Variants in PCNA observed in about 807,000 individuals in gnomAD.
PCNA encodes the protein proliferating cell nuclear antigen.
A neutral mutation model predicts 27.8 loss-of-function variants in PCNA; 4 were observed. That is an observed-to-expected ratio of 0.14 (90% CI 0.07 to 0.33). The LOEUF is 0.33. Among genes scored for constraint, PCNA ranks in the 10% least tolerant of loss-of-function variants. The pLI, the probability that PCNA is intolerant of heterozygous loss-of-function variation, is 1.00. For missense variants in PCNA, 165 were observed against 327.4 expected (o/e 0.50, Z 3.83); for synonymous variants, 121 against 119.4 (o/e 1.01, Z -0.09).
chr20:5,123,254 G>A (rs2090527393), upstream of PCNA, among the ~76,000 whole-genome samples: 1 of 152,176 alleles, frequency 6.6e-6, no homozygotes, highest in Non-Finnish European at 1.5e-5. Flanking sequence ...AGGGAATGTG[G>A]TCAACAGCAG....
intron 4 of PCNA, 23 bp downstream of exon 4, chr20:5,117,446 TC>T (rs2090483098): frequency 1.3e-6 from 2 of 1,531,192 alleles, no homozygotes; most frequent in Admixed American, 1.8e-5. Context: ...CAAACTATTT[TC>T]TTTTTACTTA....
At chr20:5,123,512 T>C (rs566654384), upstream of PCNA, among the ~76,000 whole-genome samples, 1 of 152,144 alleles carries the variant, frequency 6.6e-6, no homozygotes, top group African/African-American at 2.4e-5. Context: ...CAGGCCAACA[T>C]GGTGAAACCC....
chr20:5,123,748 G>C (rs1330176954), upstream of PCNA, among the ~76,000 whole-genome samples: 1 of 148,478 alleles, frequency 6.7e-6, no homozygotes, highest in Admixed American at 6.7e-5. Context: ...TCTAGATAAA[G>C]AATTCAAATT....
chr20:5,115,283 C>T lies in PCNA; in HGVS notation c.786G>A (p.Ter262=), dbSNP rs762445782. The stretch of plus-strand genomic sequence containing the variant: ...TTATTTTCTTGAATTTTAAGAATGC[C>T]TAAGATCCTTCTTCATCCTCGATCT... ...APKIEDEEGS[*] is the part of the protein sequence containing the mutation. Residue 262 remains the stop codon, a stop_retained_variant, in exon 6 of 6, where the codon TAG becomes TAA. Coordinates refer to ENST00000379143, the MANE Select transcript of PCNA (RefSeq NM_182649.2). 18 of 1,610,688 alleles carry T rather than the reference C, an allele frequency of 1.1e-5. No individual in the cohort carries two copies. The highest frequency in any genetic ancestry group is 1.5e-5 in the Non-Finnish European group (18 of 1,177,158).
chr20:5,119,842 A>G lies in PCNA; in HGVS notation c.-44T>C, dbSNP rs1223912047. On this transcript the variant is annotated 5_prime_UTR_variant, in exon 1 of 6. Coordinates refer to ENST00000379143, the MANE Select transcript of PCNA (RefSeq NM_182649.2). ...ACGCCGCTACAGGCAGGCGGGAAGG[A>G]GGAAAGTCTAGCTGGTTTCGGCTTC... 6 of 1,473,972 alleles carry G rather than the reference A, an allele frequency of 4.1e-6. No homozygotes were observed. In the African/African-American group the frequency reaches 8.4e-5, roughly 21 times the overall value. 91.3% of individuals were successfully genotyped at this position (1,473,972 alleles called of 1,614,324 possible).
intron 4 of PCNA, among the ~76,000 whole-genome samples, chr20:5,117,056 T>C (rs1463462316): frequency 6.6e-6 from 1 of 152,204 alleles, no homozygotes; most frequent in African/African-American, 2.4e-5. Context: ...CCACAACATG[T>C]AAGCTAATAT....
intron 2 of PCNA, 35 bp from the exon 3 acceptor site, chr20:5,118,712 T>C: frequency 6.2e-7 from 1 of 1,607,912 alleles, no homozygotes; most frequent in Non-Finnish European, 8.5e-7. Flanking sequence ...TGAGAAATAC[T>C]GACACAGAGT....
Position 5,115,333 on chromosome 20 carries a change from G to A in PCNA, c.736C>T (p.His246Tyr), listed in dbSNP as rs754622048. The A allele has an allele frequency of 2.7e-5, 43 of 1,613,782 alleles. No homozygotes were observed. The South Asian group carries it at 4.7e-4, about 18-fold the overall frequency. ...TTGGGAGCCAAGTAGTATTTTAAGT[G>A]TCCCATATCCGCAATTTTATACTCT... ...VVEYKIADMGHLKYYLAPKIE... is the reference protein window; with the variant it reads ...VVEYKIADMGYLKYYLAPKIE... The change falls in exon 6 of 6, where the codon CAC becomes TAC. Residue 246 changes from histidine (H) to tyrosine (Y), a missense_variant. Transcript: ENST00000379143.
exon 1 of PCNA, chr20:5,126,529 C>T (rs568011031): frequency 3.3e-5 from 5 of 152,290 alleles, no homozygotes; most frequent in African/African-American, 9.6e-5. Context: ...TGGCCCAGGT[C>T]AGCAAGCATT....
rs1381964532 is a variant in PCNA at position 5,119,640 on chromosome 20, C to A, written c.159G>T (p.Arg53=). 1 of 1,613,684 alleles carries A rather than the reference C, an allele frequency of 6.2e-7. No individual in the cohort carries two copies. The highest frequency in any genetic ancestry group is 1.3e-5 in the African/African-American group (1 of 74,938). ...SHVSLVQLTL[R]SEGFDTYRCD... ...AGCGGTAGGTGTCGAAGCCCTCAGA[C>A]CGCAGGGTGAGCTGCACCAAAGAGA... The change falls in exon 1 of 6, where the codon CGG becomes CGT. Residue 53 remains arginine (R), a synonymous_variant. Transcript: ENST00000379143.
intron 3 of PCNA, 36 bp from the exon 4 acceptor site, chr20:5,117,700 T>TA (rs761772528): frequency 7.2e-7 from 1 of 1,383,214 alleles, no homozygotes; most frequent in Non-Finnish European, 9.9e-7. Flanking sequence ...AGTTAATTGT[T>TA]AGAAATTTAA....
chr20:5,121,349 C>T (rs1221220701), upstream of PCNA: 1 of 147,940 alleles, frequency 6.8e-6, no homozygotes, highest in African/African-American at 2.5e-5. Context: ...ATCTCCTCTC[C>T]TTAGTCTATT....
chr20:5,124,195 A>G (rs2090532282), upstream of PCNA, among the ~76,000 whole-genome samples: 1 of 152,252 alleles, frequency 6.6e-6, no homozygotes, highest in South Asian at 2.1e-4. Flanking sequence ...GTGGGAGTAT[A>G]CATTGGTATA....
upstream of PCNA, among the ~76,000 whole-genome samples, chr20:5,122,808 T>A (rs900624433): frequency 1.3e-5 from 2 of 152,260 alleles, no homozygotes; most frequent in African/African-American, 2.4e-5. Context: ...CCAAATTACA[T>A]GTAATAGATT....
At chr20:5,122,491 T>C (rs1243800882), upstream of PCNA, among the ~76,000 whole-genome samples, 3 of 152,252 alleles carry the variant, frequency 2.0e-5, no homozygotes, top group African/African-American at 7.2e-5. Flanking sequence ...AATAGTGCTA[T>C]TCTATTGTCT....
At chr20:5,121,385 C>CT (rs1479526458), upstream of PCNA, 1 of 116,898 alleles carries the variant, frequency 8.6e-6, no homozygotes, top group African/African-American at 3.6e-5. Flanking sequence ...GCCTTTCTTT[C>CT]CTTTTTTTTT....
upstream of PCNA, chr20:5,119,996 C>T (rs1600450376): frequency 1.9e-5 from 11 of 587,666 alleles, no homozygotes; most frequent in South Asian, 1.2e-4. Context: ...CACCCTGCGC[C>T]GCGTTGCGAC....
At chr20:5,119,548 G>GGGCC (rs1205412302) in intron 1 of PCNA, 30 bp downstream of exon 1, 2 of 1,584,308 alleles carry the variant, frequency 1.3e-6, no homozygotes, top group Admixed American at 3.4e-5. Flanking sequence ...AGGCGGGCCG[G>GGGCC]GGCCGGCTTC....
rs531543840 is a variant in PCNA at position 5,118,977 on chromosome 20, T to C, written c.222-111A>G. 2.9e-4 allele frequency: 208 copies of C among 713,286 alleles called. No homozygotes were observed. In the African/African-American group the frequency reaches 3.4e-3, roughly 12 times the overall value. 44.2% of individuals were successfully genotyped at this position (713,286 alleles called of 1,614,324 possible). ...CTCACCCATCAGGCCGTCTCAGAAC[T>C]GGTGGAGGGTAAGCGGACTGCTGGA... On this transcript the variant is annotated intron_variant, in intron 1 of 5. Coordinates refer to ENST00000379143, the MANE Select transcript of PCNA (RefSeq NM_182649.2).
Sources: allele counts gnomAD v4.1 joint callset (sites outside exome capture counted in the v4.1 genomes callset), GRCh38; gene constraint gnomAD v4.1.1; transcripts MANE v1.5; gene names NCBI Gene and HGNC (gene_info 2026-07-23, HGNC 2026-07-21).